Variants in MYLK4 observed in about 807,000 individuals in gnomAD.
The protein encoded by MYLK4 is caMLCK like.
MYLK4 carries 46 observed loss-of-function variants against 48.1 expected under a neutral mutation model. The ratio of observed to expected loss-of-function variants is 0.96; its 90% confidence interval spans 0.75 to 1.22. MYLK4 has a LOEUF of 1.22. MYLK4 is among the 50% of genes most tolerant of loss of function. The pLI, the probability that MYLK4 is intolerant of heterozygous loss-of-function variation, is 0.00. For missense variants in MYLK4, 451 were observed against 486.1 expected, an observed-to-expected ratio of 0.93 and a Z score of 0.68; for synonymous variants, 170 against 180.8, an observed-to-expected ratio of 0.94 and a Z score of 0.48.
the MYLK4 span, among the ~76,000 whole-genome samples, chr6:2,762,685 G>A: frequency 2.6e-5 from 4 of 152,342 alleles, 1 homozygote; most frequent in Admixed American, 2.0e-4. Context: ...TTAACTTGAT[G>A]AATAAACGCA....
intron 2 of MYLK4, among the ~76,000 whole-genome samples, chr6:2,694,499 G>GCT (rs1761947991): frequency 3.4e-5 from 1 of 29,634 alleles, no homozygotes; most frequent in Non-Finnish European, 7.2e-5. Flanking sequence ...TCATGGTGGT[G>GCT]GTGGTGGTGG....
upstream of MYLK4, among the ~76,000 whole-genome samples, chr6:2,751,375 A>G (rs1282430923): frequency 6.6e-6 from 1 of 152,240 alleles, no homozygotes; most frequent in Non-Finnish European, 1.5e-5. Flanking sequence ...CTCAGTTCTT[A>G]AAGATGTTTG....
At chr6:2,682,928 C>T (rs1278696315) in intron 7 of MYLK4, 93 bp downstream of exon 7, 1 of 1,400,542 alleles carries the variant, frequency 7.1e-7, no homozygotes, top group African/African-American at 1.4e-5. Context: ...AATGACTGTA[C>T]CAATTTCCCC....
chr6:2,680,676 T>G, intron 7 of MYLK4: 1 of 694,808 alleles, frequency 1.4e-6, no homozygotes, highest in Non-Finnish European at 1.8e-6. Context: ...GGAGAAATAT[T>G]TTTCCCAAGA....
At chr6:2,679,255 T>C (rs374744694) in intron 9 of MYLK4, 25 bp downstream of exon 9, 421 of 1,613,368 alleles carry the variant, frequency 2.6e-4, no homozygotes, top group Non-Finnish European at 3.5e-4. Context: ...TGGAGAAGGG[T>C]CAGAGACAGA....
At chr6:2,700,679 C>A (rs1031836650) in intron 2 of MYLK4, among the ~76,000 whole-genome samples, 4 of 152,128 alleles carry the variant, frequency 2.6e-5, no homozygotes, top group Non-Finnish European at 5.9e-5. Context: ...CAAAAATGAT[C>A]TATGGGGCAT....
At chr6:2,768,769 A>C in the MYLK4 span, 2 of 1,614,056 alleles carry the variant, frequency 1.2e-6, no homozygotes, top group Non-Finnish European at 1.7e-6. Context: ...AACAAATGCC[A>C]AGACAAATGA....
chr6:2,729,321 A>G (rs1359543433), intron 2 of MYLK4, among the ~76,000 whole-genome samples: 2 of 152,216 alleles, frequency 1.3e-5, no homozygotes, highest in African/African-American at 4.8e-5. Context: ...GATGGAAGAG[A>G]ATTCAGGGAC....
the MYLK4 span, among the ~76,000 whole-genome samples, chr6:2,763,789 C>G: frequency 1.3e-5 from 2 of 152,030 alleles, no homozygotes; most frequent in Non-Finnish European, 2.9e-5. Context: ...GCGCTGAGAG[C>G]GAGCGAGGAC....
chr6:2,682,872 G>T, intron 7 of MYLK4, 149 bp downstream of exon 7: 1 of 815,392 alleles, frequency 1.2e-6, no homozygotes, highest in Non-Finnish European at 2.0e-6. Flanking sequence ...CAGAAGCTGA[G>T]AATAAGGAGA....
intron 2 of MYLK4, among the ~76,000 whole-genome samples, chr6:2,745,204 G>A (rs1456339436): frequency 6.6e-6 from 1 of 152,166 alleles, no homozygotes; most frequent in East Asian, 1.9e-4. Flanking sequence ...GCAAAGGGGT[G>A]TGGGGGTGTA....
the MYLK4 span, chr6:2,765,356 G>A: frequency 3.6e-6 from 1 of 276,342 alleles, no homozygotes. Flanking sequence ...CATGCCGCGC[G>A]AGGCGCCTCC....
chr6:2,702,775 T>C (rs1413967788), intron 2 of MYLK4, among the ~76,000 whole-genome samples: 2 of 152,204 alleles, frequency 1.3e-5, no homozygotes, highest in Non-Finnish European at 2.9e-5. Context: ...TACACAACTG[T>C]TATTTGTCAA....
At chr6:2,677,547 T>C (rs2113104692) in intron 10 of MYLK4, among the ~76,000 whole-genome samples, 1 of 152,356 alleles carries the variant, frequency 6.6e-6, no homozygotes, top group East Asian at 1.9e-4. Context: ...TCTATGATTC[T>C]AAAATGCAAA....
At chr6:2,748,734 A>G (rs577429376) in intron 2 of MYLK4, among the ~76,000 whole-genome samples, 15 of 152,360 alleles carry the variant, frequency 9.8e-5, no homozygotes, top group Admixed American at 5.9e-4. Context: ...GGACTTCACT[A>G]TCAACAGCTC....
chr6:2,670,839 G>C (rs77012694), intron 12 of MYLK4, among the ~76,000 whole-genome samples: 1 of 151,968 alleles, frequency 6.6e-6, no homozygotes, highest in Non-Finnish European at 1.5e-5. Context: ...CTGCATGGCC[G>C]TGGGGGTGTC....
chr6:2,668,313 G>A (rs9632524), intron 12 of MYLK4, among the ~76,000 whole-genome samples: 1 of 151,864 alleles, frequency 6.6e-6, no homozygotes, highest in African/African-American at 2.4e-5. Flanking sequence ...GGTGTGGGGA[G>A]GTTTCCATGT....
At position 2,703,677 on chromosome 6, in the gene MYLK4, T is replaced by G. The variant is rs797004181; in HGVS notation, c.160-10818A>C. ...CCCTTTGTGAATTCTTTTTTTTTTT[T>G]TTTTTTTTTTTTGAGACGGAGTCTT... On this transcript the variant is annotated intron_variant, in intron 2 of 12. Transcript: ENST00000274643. Among the ~76,000 whole-genome samples, 289 of 111,332 alleles carry G rather than the reference T, an allele frequency of 2.6e-3. 4 individuals carry two copies. Among genetic ancestry groups the G allele is most frequent in the African/African-American group, 8.2e-3 (243 of 29,546 alleles). 73.0% of individuals were successfully genotyped at this position (111,332 alleles called of 152,430 possible).
chr6:2,719,577 C>G (rs1273389581), intron 2 of MYLK4, among the ~76,000 whole-genome samples: 1 of 152,018 alleles, frequency 6.6e-6, no homozygotes, highest in African/African-American at 2.4e-5. Context: ...AAGTTTGTGC[C>G]TCTGTTTGGT....
Sources: allele counts gnomAD v4.1 joint callset (sites outside exome capture counted in the v4.1 genomes callset), GRCh38; gene constraint gnomAD v4.1.1; transcripts MANE v1.5; gene names NCBI Gene and HGNC (gene_info 2026-07-23, HGNC 2026-07-21).